Variants in CRYZL1 observed in about 807,000 individuals in gnomAD.
CRYZL1 encodes the protein crystallin zeta like 1, also known as ferry endosomal RAB5 effector complex subunit 4.
In CRYZL1, 34 loss-of-function variants were observed where a neutral mutation model predicts 50.6. The observed-to-expected ratio is 0.67, with a 90% CI of 0.51 to 0.89. CRYZL1 has a LOEUF of 0.89. Among genes scored for constraint, CRYZL1 ranks in the 40% least tolerant of loss-of-function variants. The probability of loss-of-function intolerance (pLI) is 0.00; values close to 1 mark genes in which losing one functional copy is unlikely to be tolerated. For synonymous variants in CRYZL1, 125 were observed against 134.3 expected (o/e 0.93, Z 0.48); for missense variants, 354 against 402.3 (o/e 0.88, Z 1.03).
At chr21:33,625,559 C>A (rs747386054) in intron 2 of CRYZL1, among the ~76,000 whole-genome samples, 1 of 152,136 alleles carries the variant, frequency 6.6e-6, no homozygotes, top group African/African-American at 2.4e-5. Context: ...TCACAGCTCA[C>A]TGCAGCCTCA....
chr21:33,622,095 T>C, intron 3 of CRYZL1, 27 bp from the exon 4 acceptor site: 1 of 1,574,144 alleles, frequency 6.4e-7, no homozygotes, highest in Non-Finnish European at 8.7e-7. Context: ...GCAGTTAACA[T>C]ACTATTGTCA....
chr21:33,637,399 C>T (rs556990965), intron 1 of CRYZL1, among the ~76,000 whole-genome samples: 2 of 149,798 alleles, frequency 1.3e-5, no homozygotes, highest in East Asian at 4.0e-4. Context: ...GAGCCGAGAT[C>T]GCGCCACTGC....
At chr21:33,595,604 C>G in intron 11 of CRYZL1, 127 bp downstream of exon 11, 1 of 1,460,152 alleles carries the variant, frequency 6.8e-7, no homozygotes, top group East Asian at 2.5e-5. Flanking sequence ...TTGCAAGGCA[C>G]TTGGAATACT....
intron 6 of CRYZL1, among the ~76,000 whole-genome samples, chr21:33,610,050 A>T (rs973028542): frequency 1.3e-5 from 2 of 150,330 alleles, no homozygotes; most frequent in African/African-American, 2.5e-5. Context: ...AGAGACAAGC[A>T]AGTTGCCAAG....
chr21:33,630,591 A>G (rs1001629086), intron 2 of CRYZL1, among the ~76,000 whole-genome samples: 3 of 134,078 alleles, frequency 2.2e-5, no homozygotes, highest in Non-Finnish European at 5.0e-5. Flanking sequence ...GTCGCAATTA[A>G]AAAAAAAAAA....
chr21:33,596,013 G>A, intron 10 of CRYZL1, 177 bp from the exon 11 acceptor site: 1 of 619,922 alleles, frequency 1.6e-6, no homozygotes, highest in Non-Finnish European at 2.9e-6. Context: ...CCAAAATGAT[G>A]AAACAGCGAG....
At chr21:33,631,970 C>T (rs186766641) in intron 1 of CRYZL1, among the ~76,000 whole-genome samples, 147 of 152,070 alleles carry the variant, frequency 9.7e-4, no homozygotes, top group Middle Eastern at 3.4e-3. Flanking sequence ...GCCAAGACAC[C>T]GGTTGAAAAT....
At chr21:33,616,818 TAC>T (rs1289328834) in intron 4 of CRYZL1, 68 bp from the exon 5 acceptor site, 1 of 1,319,582 alleles carries the variant, frequency 7.6e-7, no homozygotes, top group Non-Finnish European at 1.0e-6. Flanking sequence ...TCTATTAAAA[TAC>T]ATTTTTAAAA....
At chr21:33,603,278 A>T in intron 7 of CRYZL1, 126 bp downstream of exon 7, 1 of 1,138,366 alleles carries the variant, frequency 8.8e-7, no homozygotes, top group Non-Finnish European at 1.2e-6. Context: ...AAAATAGGAC[A>T]CTGGAAAAAA....
chr21:33,598,806 G>GTTTTTTTT (rs775141021), intron 9 of CRYZL1, among the ~76,000 whole-genome samples: 1 of 125,702 alleles, frequency 8.0e-6, no homozygotes. Flanking sequence ...ACATTTTTGA[G>GTTTTTTTT]TTTTTTTTTT....
intron 1 of CRYZL1, among the ~76,000 whole-genome samples, chr21:33,635,935 C>T (rs902454624): frequency 2.0e-5 from 3 of 151,930 alleles, no homozygotes; most frequent in African/African-American, 7.2e-5. Flanking sequence ...GAGCTGAGAT[C>T]GCGCCACTGC....
chr21:33,591,318 TCA>T (rs1359492849), intron 11 of CRYZL1, 111 bp from the exon 12 acceptor site: 1 of 805,044 alleles, frequency 1.2e-6, no homozygotes. Flanking sequence ...TTTTGCACTC[TCA>T]GAGACTCAAC....
At chr21:33,618,612 T>C (rs1426086011) in intron 4 of CRYZL1, among the ~76,000 whole-genome samples, 2 of 152,166 alleles carry the variant, frequency 1.3e-5, no homozygotes, top group Non-Finnish European at 2.9e-5. Context: ...GTCAACAAAA[T>C]GGCCCCAGAG....
rs760095947 is a variant in CRYZL1, at chr21:33,589,473, G to T, written c.*349C>A. 7.7e-6 allele frequency: 3 copies of T among 390,878 alleles called. No homozygotes were observed. Among genetic ancestry groups the T allele is most frequent in the Non-Finnish European group, 1.4e-5 (3 of 220,832 alleles). The allele number at this position is 390,878 out of a possible 1,614,324, so 24.2% of individuals were successfully genotyped here. A position where few individuals can be genotyped will look rare whatever the true frequency, so the allele number is the denominator to read the frequency against. On this transcript the variant is annotated 3_prime_UTR_variant, in exon 13 of 13. Transcript: ENST00000381554. ...ATTAATACGTTACTTTGATAGCTTAGCAAAGGCCTGCAACAGCTTTTATCA... is the reference window on the plus strand; with the variant it reads ...ATTAATACGTTACTTTGATAGCTTATCAAAGGCCTGCAACAGCTTTTATCA...
chr21:33,605,214 G>C (rs1444719515), intron 6 of CRYZL1, among the ~76,000 whole-genome samples: 2 of 151,904 alleles, frequency 1.3e-5, no homozygotes, highest in Non-Finnish European at 2.9e-5. Flanking sequence ...ATATATTCTA[G>C]AGAAGTCATT....
chr21:33,612,176 C>A (rs937944101), intron 6 of CRYZL1, among the ~76,000 whole-genome samples: 14 of 152,122 alleles, frequency 9.2e-5, no homozygotes. Flanking sequence ...GGTATATATA[C>A]ATCATTAATT....
intron 1 of CRYZL1, among the ~76,000 whole-genome samples, 175 bp from the exon 2 acceptor site, chr21:33,631,732 T>G (rs2087139882): frequency 6.6e-6 from 1 of 152,134 alleles, no homozygotes; most frequent in South Asian, 2.1e-4. Flanking sequence ...TATGCAACAC[T>G]CTCTGGGCAC....
chr21:33,636,790 C>T (rs1267571449), intron 1 of CRYZL1, among the ~76,000 whole-genome samples: 1 of 152,176 alleles, frequency 6.6e-6, no homozygotes, highest in African/African-American at 2.4e-5. Context: ...CTGTTACACT[C>T]AATCCCCCAA....
intron 1 of CRYZL1, among the ~76,000 whole-genome samples, chr21:33,638,219 T>TC (rs927962274): frequency 6.6e-6 from 1 of 150,642 alleles, no homozygotes; most frequent in Non-Finnish European, 1.5e-5. Context: ...GCTTTTTTTT[T>TC]TTTTTTTTTT....
Sources: gnomAD v4.1 joint callset for allele counts (sites outside exome capture counted in the v4.1 genomes callset) on GRCh38, gnomAD v4.1.1 for gene constraint, MANE v1.5 for transcripts, NCBI Gene and HGNC (gene_info 2026-07-23, HGNC 2026-07-21) for gene names.